The following TRIM44 variants were observed in gnomAD, a reference collection of about 807,000 sequenced individuals.
The protein encoded by TRIM44 is tripartite motif containing 44, also known as tripartite motif-containing protein 44.
TRIM44 carries 13 observed loss-of-function variants against 37.4 expected under a neutral mutation model. That is an observed-to-expected ratio of 0.35 (90% CI 0.23 to 0.55). The LOEUF (loss-of-function observed/expected upper bound fraction) is 0.55. TRIM44 is among the 20% of genes least tolerant of loss of function. TRIM44 has a pLI of 0.89. For missense variants in TRIM44, 426 were observed against 437.2 expected (o/e 0.97, Z 0.23); for synonymous variants, 175 against 157.2 (o/e 1.11, Z -0.85).
chr11:35,777,103 G>C (rs1305672423), intron 4 of TRIM44, among the ~76,000 whole-genome samples: 2 of 152,134 alleles, frequency 1.3e-5, no homozygotes, highest in African/African-American at 4.8e-5. Flanking sequence ...TCTCTTTGTA[G>C]GTCTCTAAGG....
intron 2 of TRIM44, among the ~76,000 whole-genome samples, chr11:35,717,071 A>G (rs1436773071): frequency 1.3e-5 from 2 of 152,220 alleles, no homozygotes; most frequent in Non-Finnish European, 2.9e-5. Flanking sequence ...GATAATAGAA[A>G]TGTATCCAGG....
intron 4 of TRIM44, among the ~76,000 whole-genome samples, chr11:35,794,362 G>T (rs1211705382): frequency 1.3e-5 from 2 of 152,216 alleles, no homozygotes; most frequent in Admixed American, 6.5e-5. Context: ...AGAGTTAGAA[G>T]TTGGCAAACA....
At position 35,665,936 on chromosome 11, in the gene TRIM44, A is replaced by AAT. The variant is rs1851327547; in HGVS notation, c.669+2159_669+2160dup. On this transcript the variant is annotated intron_variant, in intron 1 of 4. Transcript: ENST00000299413. Reference sequence around the variant, plus strand: ...TGTTGTTCTTTCTATGTGGGTTGCAAATATCTTCTATGTGGTTTTTCTTTT... The same window carrying AAT: ...TGTTGTTCTTTCTATGTGGGTTGCAAATATATCTTCTATGTGGTTTTTCTTTT... Among the ~76,000 whole-genome samples the AAT allele has an allele frequency of 2.0e-5, 3 of 151,972 alleles. No homozygotes were observed. The South Asian group carries it at 6.2e-4, about 32-fold the overall frequency.
intron 4 of TRIM44, among the ~76,000 whole-genome samples, chr11:35,773,194 T>C (rs1194470674): frequency 6.6e-6 from 1 of 152,212 alleles, no homozygotes; most frequent in Non-Finnish European, 1.5e-5. Flanking sequence ...CATGTGGAAC[T>C]GTTAAGTCCA....
intron 2 of TRIM44, among the ~76,000 whole-genome samples, chr11:35,711,738 A>G (rs1015184305): frequency 2.0e-5 from 3 of 152,078 alleles, no homozygotes; most frequent in Non-Finnish European, 4.4e-5. Context: ...CCTGGGCAAC[A>G]TAGTGAGATC....
intron 1 of TRIM44, among the ~76,000 whole-genome samples, chr11:35,664,484 T>C (rs2135479826): frequency 6.6e-6 from 1 of 152,336 alleles, no homozygotes; most frequent in African/African-American, 2.4e-5. Context: ...TGTGGATGTT[T>C]ACTATCATTG....
At chr11:35,756,576 C>G (rs1178410382) in intron 4 of TRIM44, among the ~76,000 whole-genome samples, 1 of 152,074 alleles carries the variant, frequency 6.6e-6, no homozygotes, top group Non-Finnish European at 1.5e-5. Context: ...GCATCCCTGT[C>G]TTGTGCCAGT....
At chr11:35,751,133 A>C (rs961681879) in intron 4 of TRIM44, among the ~76,000 whole-genome samples, 3 of 152,230 alleles carry the variant, frequency 2.0e-5, no homozygotes, top group African/African-American at 7.2e-5. Context: ...AAATGAATGA[A>C]TGAATCAGGC....
intron 1 of TRIM44, among the ~76,000 whole-genome samples, chr11:35,680,649 C>T (rs888318717): frequency 6.6e-5 from 10 of 152,194 alleles, no homozygotes; most frequent in Non-Finnish European, 1.2e-4. Flanking sequence ...GTACATGCAT[C>T]CTTGACACAG....
chr11:35,721,478 G>A (rs1471574604), intron 2 of TRIM44, among the ~76,000 whole-genome samples: 2 of 152,108 alleles, frequency 1.3e-5, no homozygotes, highest in East Asian at 1.9e-4. Context: ...TTCATTGAGT[G>A]GATACCTGAA....
intron 4 of TRIM44, among the ~76,000 whole-genome samples, chr11:35,756,142 G>C (rs1368288656): frequency 1.3e-5 from 2 of 152,168 alleles, no homozygotes; most frequent in East Asian, 3.8e-4. Flanking sequence ...CATGAGCATG[G>C]AATGTTCTTC....
chr11:35,704,160 GT>G (rs1851840046), intron 2 of TRIM44, among the ~76,000 whole-genome samples: 1 of 152,210 alleles, frequency 6.6e-6, no homozygotes, highest in South Asian at 2.1e-4. Flanking sequence ...AAGGGTATCA[GT>G]GATGGAAGAT....
At position 35,685,349 on chromosome 11, in the gene TRIM44, T is replaced by C; in HGVS notation, c.747+13T>C. The C allele has an allele frequency of 6.2e-7, 1 of 1,611,150 alleles. No individual in the cohort carries two copies. Among genetic ancestry groups the C allele is most frequent in the South Asian group, 1.1e-5 (1 of 90,906 alleles). ...CTCAGACCCTAAAGTAAGTATTGTT[T>C]GGAATTGATTGGGTGTTGGTACCCC... On this transcript the variant is annotated intron_variant, in intron 2 of 4. Coordinates refer to ENST00000299413, the MANE Select transcript of TRIM44 (RefSeq NM_017583.6).
chr11:35,765,815 T>C lies in TRIM44; in HGVS notation c.1007+30370T>C, dbSNP rs574175548. 9.8e-5 allele frequency among the ~76,000 whole-genome samples: 15 copies of C among 152,332 alleles called. No homozygotes were observed. In the South Asian group the frequency reaches 3.1e-3, roughly 32 times the overall value. On this transcript the variant is annotated intron_variant, in intron 4 of 4. Transcript: ENST00000299413. The stretch of plus-strand genomic sequence containing the variant: ...GCAATCTGATAGAACAAAATTTAGT[T>C]TCTTTTTAACCATCCCCTATTCTTT...
intron 4 of TRIM44, among the ~76,000 whole-genome samples, chr11:35,774,940 T>C (rs1002022060): frequency 3.3e-5 from 5 of 152,230 alleles, no homozygotes; most frequent in Non-Finnish European, 5.9e-5. Flanking sequence ...AGGATTGTCT[T>C]GGCAATGTGG....
Position 35,817,204 on chromosome 11 carries a change from A to G in TRIM44, c.*10819A>G, listed in dbSNP as rs1432518308. The stretch of plus-strand genomic sequence containing the variant: ...TTATATCTTCATGCAGAAAACTGAA[A>G]GATACCTTTAGCTACATCTACCCCA... On this transcript the variant is annotated 3_prime_UTR_variant, in exon 5 of 5. Coordinates refer to ENST00000299413, the MANE Select transcript of TRIM44 (RefSeq NM_017583.6). 1 of 152,138 alleles carries G rather than the reference A, an allele frequency of 6.6e-6. No homozygotes were observed. Among genetic ancestry groups the G allele is most frequent in the Non-Finnish European group, 1.5e-5 (1 of 68,022 alleles). The allele number at this position is 152,138 out of a possible 1,614,324, so 9.4% of individuals were successfully genotyped here.
intron 1 of TRIM44, among the ~76,000 whole-genome samples, chr11:35,678,394 C>T (rs959793509): frequency 6.6e-6 from 1 of 151,432 alleles, no homozygotes; most frequent in Non-Finnish European, 1.5e-5. Flanking sequence ...TTTTTCAGAC[C>T]CAAGAATGAC....
chr11:35,734,076 A>T (rs1209092987), intron 3 of TRIM44, among the ~76,000 whole-genome samples: 1 of 152,130 alleles, frequency 6.6e-6, no homozygotes, highest in Non-Finnish European at 1.5e-5. Flanking sequence ...TTTGATATTG[A>T]TCATAACACA....
At chr11:35,686,156 G>A (rs1212468130) in intron 2 of TRIM44, among the ~76,000 whole-genome samples, 3 of 151,040 alleles carry the variant, frequency 2.0e-5, no homozygotes, top group Admixed American at 6.6e-5. Context: ...ATTTCAATAT[G>A]TTAGGGTCTA....
Sources: gnomAD v4.1 joint callset for allele counts (sites outside exome capture counted in the v4.1 genomes callset) on GRCh38, gnomAD v4.1.1 for gene constraint, MANE v1.5 for transcripts, NCBI Gene and HGNC (gene_info 2026-07-23, HGNC 2026-07-21) for gene names.